Variants in ANP32A observed in about 807,000 individuals in gnomAD.
The protein encoded by ANP32A is acidic nuclear phosphoprotein 32 family member A, also known as acidic leucine-rich nuclear phosphoprotein 32 family member A.
ANP32A carries 1 observed loss-of-function variant against 33.9 expected under a neutral mutation model. That is an observed-to-expected ratio of 0.03 (90% confidence interval 0.01 to 0.14). The LOEUF (loss-of-function observed/expected upper bound fraction) is 0.14, where lower values mean the gene tolerates loss of function less well. ANP32A is among the 10% of genes least tolerant of loss of function. ANP32A has a pLI of 1.00. For synonymous variants in ANP32A, 115 were observed against 120.5 expected (o/e 0.95, Z 0.30); for missense variants, 155 against 306.0 (o/e 0.51, Z 3.68).
intron 1 of ANP32A, among the ~76,000 whole-genome samples, chr15:68,799,494 CAA>C: frequency 6.6e-6 from 1 of 152,242 alleles, no homozygotes; most frequent in Non-Finnish European, 1.5e-5. Flanking sequence ...AAAACAAAAA[CAA>C]ACCCCAAACC....
chr15:68,801,881 A>AC (rs1205548451), intron 1 of ANP32A: 1 of 154,300 alleles, frequency 6.5e-6, no homozygotes, highest in Non-Finnish European at 1.5e-5. Flanking sequence ...ACAAGGCCTG[A>AC]CTCCTCTGGG....
intron 1 of ANP32A, among the ~76,000 whole-genome samples, chr15:68,807,367 C>T (rs1054752694): frequency 9.2e-5 from 13 of 141,364 alleles, no homozygotes; most frequent in Admixed American, 6.4e-4. Context: ...AGAAGAGGCC[C>T]GGGGCAAGGG....
intron 1 of ANP32A, among the ~76,000 whole-genome samples, chr15:68,804,051 CG>C (rs1418013358): frequency 6.6e-6 from 1 of 152,086 alleles, no homozygotes; most frequent in East Asian, 1.9e-4. Flanking sequence ...CCACCCACCT[CG>C]GCCTCCCAAA....
In ANP32A at chr15:68,784,186, A is replaced by G. The variant is rs1567033996; in HGVS notation, c.526+211T>C. The G allele has an allele frequency of 3.0e-5, 18 of 603,412 alleles. No homozygotes were observed. The South Asian group carries it at 3.0e-4, about 10-fold the overall frequency. The allele number at this position is 603,412 out of a possible 1,614,324, so 37.4% of individuals were successfully genotyped here. On this transcript the variant is annotated intron_variant, in intron 4 of 6. Transcript: ENST00000465139. The stretch of plus-strand genomic sequence containing the variant: ...TTTGTTCTTTTAGGGAAGTCAACCA[A>G]TGAGACAGATTAGGGACTATGGAAA...
chr15:68,807,485 C>T (rs983341569), intron 1 of ANP32A, among the ~76,000 whole-genome samples: 2 of 149,100 alleles, frequency 1.3e-5, no homozygotes, highest in African/African-American at 4.9e-5. Flanking sequence ...CTCCGCTTCA[C>T]AGCTCCAGGC....
rs1168867671 is a variant in ANP32A at position 68,782,930 on chromosome 15, G to T, written c.624+26C>A. 5.8e-6 allele frequency: 9 copies of T among 1,550,844 alleles called. No homozygotes were observed. In the Admixed American group the frequency reaches 1.8e-4, roughly 30 times the overall value. ...GGACTGCCTCAAAGGGGCAGACGGT[G>T]GCCCTGCCCAGCCCAGCCTCCTTAC... On this transcript the variant is annotated intron_variant, in intron 5 of 6. Coordinates refer to ENST00000465139, the MANE Select transcript of ANP32A (RefSeq NM_006305.4).
intron 1 of ANP32A, among the ~76,000 whole-genome samples, chr15:68,803,680 G>C (rs1214982199): frequency 1.3e-5 from 2 of 151,816 alleles, no homozygotes; most frequent in East Asian, 3.9e-4. Flanking sequence ...CAGGCACATG[G>C]AAAGTCGCTT....
intron 1 of ANP32A, chr15:68,790,430 G>A (rs2140362218): frequency 6.6e-6 from 1 of 152,332 alleles, no homozygotes; most frequent in South Asian, 2.1e-4. Flanking sequence ...GAATGCTACA[G>A]ATAGACATAG....
intron 1 of ANP32A, among the ~76,000 whole-genome samples, chr15:68,816,951 C>G (rs573150833): frequency 6.6e-6 from 1 of 152,252 alleles, no homozygotes; most frequent in South Asian, 2.1e-4. Context: ...CTACTTGAAC[C>G]CAATTAGGCA....
chr15:68,786,866 CA>C (rs780520436), intron 3 of ANP32A, among the ~76,000 whole-genome samples: 11 of 152,144 alleles, frequency 7.2e-5, no homozygotes, highest in Non-Finnish European at 1.3e-4. Flanking sequence ...GACTGGTGAC[CA>C]GGGGTCACTC....
chr15:68,813,652 A>G (rs536266626), intron 1 of ANP32A, among the ~76,000 whole-genome samples: 106 of 152,288 alleles, frequency 7.0e-4, no homozygotes, highest in Non-Finnish European at 7.9e-4. Flanking sequence ...AAGAGGAGGG[A>G]TGCTGGTGGC....
intron 1 of ANP32A, among the ~76,000 whole-genome samples, chr15:68,816,266 G>C (rs1894380352): frequency 6.6e-6 from 1 of 152,146 alleles, no homozygotes; most frequent in Non-Finnish European, 1.5e-5. Flanking sequence ...AGAAAAAAAG[G>C]GTGTTTCAAA....
In ANP32A at chr15:68,778,993, T is replaced by G. The variant is rs1286205158; in HGVS notation, c.*1088A>C. ...CTCTTCTGAGGGGCAGGAGAAAAACTGGTGCAGATGTTCTTTTATACAGAT... is the reference window on the plus strand; with the variant it reads ...CTCTTCTGAGGGGCAGGAGAAAAACGGGTGCAGATGTTCTTTTATACAGAT... On this transcript the variant is annotated 3_prime_UTR_variant, in exon 7 of 7. Coordinates refer to ENST00000465139, the MANE Select transcript of ANP32A (RefSeq NM_006305.4). 2 of 152,242 alleles carry G rather than the reference T, an allele frequency of 1.3e-5. No individual in the cohort carries two copies. The highest frequency in any genetic ancestry group is 4.8e-5 in the African/African-American group (2 of 41,536). 9.4% of individuals were successfully genotyped at this position (152,242 alleles called of 1,614,324 possible). A position where few individuals can be genotyped will look rare whatever the true frequency, so the allele number is the denominator to read the frequency against.
In ANP32A at chr15:68,784,515, G is replaced by A; in HGVS notation, c.408C>T (p.Phe136=). ...TNLNDYRENV[F]KLLPQLTYLD... ...GATATGTGAGTTGCGGGAGGAGCTT[G>A]AACACATTTTCTCGGTAGTCGTTCA... The change falls in exon 4 of 7, where the codon TTC becomes TTT. Residue 136 remains phenylalanine (F), a synonymous_variant. Coordinates refer to ENST00000465139, the MANE Select transcript of ANP32A (RefSeq NM_006305.4). The A allele has an allele frequency of 6.2e-7, 1 of 1,614,148 alleles. No individual in the cohort carries two copies. The highest frequency in any genetic ancestry group is 8.5e-7 in the Non-Finnish European group (1 of 1,180,038).
intron 1 of ANP32A, among the ~76,000 whole-genome samples, chr15:68,808,461 C>A (rs556075031): frequency 1.3e-5 from 2 of 152,330 alleles, no homozygotes; most frequent in African/African-American, 4.8e-5. Context: ...TCCTACCCAG[C>A]CCAGGATGCA....
chr15:68,785,314 T>C (rs1336462472), intron 3 of ANP32A, among the ~76,000 whole-genome samples: 2 of 152,208 alleles, frequency 1.3e-5, no homozygotes, highest in Non-Finnish European at 2.9e-5. Flanking sequence ...TTCTAGCCAA[T>C]GTTATCCCTG....
chr15:68,781,136 T>G (rs1893861688), intron 5 of ANP32A: 1 of 152,176 alleles, frequency 6.6e-6, no homozygotes, highest in Non-Finnish European at 1.5e-5. Flanking sequence ...TATATGCAAG[T>G]TGAATCTCTG....
intron 1 of ANP32A, among the ~76,000 whole-genome samples, chr15:68,810,256 G>A (rs1403878802): frequency 3.9e-5 from 6 of 152,220 alleles, no homozygotes; most frequent in African/African-American, 1.4e-4. Context: ...AGTATGGGGT[G>A]ACATTACATG....
intron 3 of ANP32A, among the ~76,000 whole-genome samples, chr15:68,786,150 C>G (rs1893929016): frequency 6.6e-6 from 1 of 152,106 alleles, no homozygotes; most frequent in Non-Finnish European, 1.5e-5. Flanking sequence ...TGAGGGATAC[C>G]CAACCTCCCC....
Sources: allele counts gnomAD v4.1 joint callset (sites outside exome capture counted in the v4.1 genomes callset), GRCh38; gene constraint gnomAD v4.1.1; transcripts MANE v1.5; gene names NCBI Gene and HGNC (gene_info 2026-07-23, HGNC 2026-07-21).